The following LETM2 variants were observed in gnomAD, a reference collection of about 807,000 sequenced individuals.
LETM2 encodes leucine zipper and EF-hand containing transmembrane protein 2.
LETM2 carries 58 observed loss-of-function variants against 59.6 expected under a neutral mutation model. The observed-to-expected ratio is 0.97, with a 90% confidence interval of 0.79 to 1.21. LETM2 has a LOEUF of 1.21. LETM2 is among the 50% of genes most tolerant of loss of function. The pLI is 0.00. For missense variants in LETM2, 572 were observed against 575.7 expected (o/e 0.99, Z 0.07); for synonymous variants, 199 against 214.1 (o/e 0.93, Z 0.62).
chr8:38,382,713 T>A (rs1299713049), upstream of LETM2: 1 of 151,732 alleles, frequency 6.6e-6, no homozygotes, highest in Non-Finnish European at 1.5e-5. This position sits in a 1 kb window ranked among gnomAD's most constrained non-coding sequence, Gnocchi z 4.2. Flanking sequence ...CGGTCCCCGG[T>A]GGGTCACCGC....
intron 2 of LETM2, among the ~76,000 whole-genome samples, chr8:38,390,993 T>G (rs1366860173): frequency 6.6e-6 from 1 of 151,784 alleles, no homozygotes; most frequent in Non-Finnish European, 1.5e-5. Context: ...AAATTTTTTT[T>G]GCTTTTGTTT....
chr8:38,395,760 C>T lies in LETM2; in HGVS notation c.645+1519C>T, dbSNP rs137870629. Among the ~76,000 whole-genome samples the T allele has an allele frequency of 1.5e-3, 235 of 152,346 alleles. 1 individual carries two copies. The highest frequency in any genetic ancestry group is 5.0e-3 in the African/African-American group (209 of 41,580). On this transcript the variant is annotated intron_variant, in intron 4 of 10. Coordinates refer to ENST00000379957, the MANE Select transcript of LETM2 (RefSeq NM_001286819.2). ...CGATGTCCTGACCTCCGGTGATCCA[C>T]ACACCTCAGCCTCCCAAAGTGTTGG...
At chr8:38,394,552 T>C (rs11998709) in intron 4 of LETM2, 41,915 of 188,386 alleles carry the variant, frequency 0.22, 4,946 homozygotes, top group East Asian at 0.31. Context: ...CTCTAAAAAT[T>C]CCCTGTGGGC....
Position 38,392,853 on chromosome 8 carries a change from A to G in LETM2, c.359A>G (p.Gln120Arg). ...ETGMEIKEGK[Q>R]SYRQKIMDEL... ...GGCATGGAGATTAAAGAAGGCAAAC[A>G]ATCTTATAGACAAAAAATCATGGAT... is the stretch of plus-strand genomic sequence containing the variant. The change falls in exon 3 of 11, where the codon CAA (glutamine) becomes CGA (arginine). Residue 120 changes from glutamine to arginine, a missense_variant. By Grantham distance (43) the Gln-to-Arg change is conservative. Coordinates refer to ENST00000379957, the MANE Select transcript of LETM2 (RefSeq NM_001286819.2). 3 of 1,614,182 alleles carry G rather than the reference A, an allele frequency of 1.9e-6. No homozygotes were observed. Among genetic ancestry groups the G allele is most frequent in the Non-Finnish European group, 2.5e-6 (3 of 1,180,048 alleles).
intron 2 of LETM2, among the ~76,000 whole-genome samples, chr8:38,388,321 C>A (rs1278101421): frequency 6.6e-6 from 1 of 151,448 alleles, no homozygotes; most frequent in Non-Finnish European, 1.5e-5. Flanking sequence ...CTTAGGTGAT[C>A]CGCCTGCCTT....
chr8:38,391,848 C>A (rs1322382947), intron 2 of LETM2, among the ~76,000 whole-genome samples: 1 of 151,968 alleles, frequency 6.6e-6, no homozygotes, highest in Non-Finnish European at 1.5e-5. Context: ...CATGACACCA[C>A]ACCCGGCTAA....
upstream of LETM2, among the ~76,000 whole-genome samples, chr8:38,385,029 G>C (rs1811715920): frequency 1.3e-5 from 2 of 152,158 alleles, no homozygotes; most frequent in Admixed American, 1.3e-4. Context: ...TGACCACCAG[G>C]AATTTTCAGT....
intron 2 of LETM2, among the ~76,000 whole-genome samples, chr8:38,388,672 A>T (rs1811966919): frequency 6.8e-6 from 1 of 147,722 alleles, no homozygotes; most frequent in Admixed American, 6.7e-5. Flanking sequence ...GTGGGCCAAG[A>T]CTGGGCCACT....
At chr8:38,388,656 G>T (rs1215249530) in intron 2 of LETM2, among the ~76,000 whole-genome samples, 1 of 148,966 alleles carries the variant, frequency 6.7e-6, no homozygotes, top group African/African-American at 2.5e-5. Context: ...GGAGGCGGAG[G>T]TTGCAGTGGG....
intron 4 of LETM2, 135 bp from the exon 5 acceptor site, chr8:38,400,137 A>C: frequency 3.2e-6 from 2 of 622,944 alleles, no homozygotes; most frequent in Non-Finnish European, 5.2e-6. Flanking sequence ...AAACCCATTC[A>C]TCTATGCCTG....
rs1406933465 is a variant in LETM2 at position 38,400,879 on chromosome 8, A to G, written c.810A>G (p.Thr270=). The G allele has an allele frequency of 1.2e-6, 2 of 1,614,184 alleles. No individual in the cohort carries two copies. Among genetic ancestry groups the G allele is most frequent in the South Asian group, 2.2e-5 (2 of 91,084 alleles). ...KQVQTGHKPS[T]KEIVRFSKLF... is the part of the protein sequence containing the mutation. Reference sequence around the variant, plus strand: ...TCCAGACAGGCCACAAGCCCAGCACAAAGGAGATAGTTCGCTTCTCCAAAC... The same window carrying G: ...TCCAGACAGGCCACAAGCCCAGCACGAAGGAGATAGTTCGCTTCTCCAAAC... Residue 270 remains threonine, a synonymous_variant, in exon 6 of 11, where the codon ACA becomes ACG. Coordinates refer to ENST00000379957, the MANE Select transcript of LETM2 (RefSeq NM_001286819.2).
At chr8:38,388,918 G>A (rs370430294) in intron 2 of LETM2, among the ~76,000 whole-genome samples, 1 of 150,796 alleles carries the variant, frequency 6.6e-6, no homozygotes, top group African/African-American at 2.4e-5. Flanking sequence ...GGCATGCGCC[G>A]CCATGTCCCA....
chr8:38,384,181 T>A (rs1811685123), upstream of LETM2, among the ~76,000 whole-genome samples: 1 of 152,176 alleles, frequency 6.6e-6, no homozygotes, highest in Non-Finnish European at 1.5e-5. Context: ...CTTCCTCCTG[T>A]GTCTTCCTTG....
chr8:38,404,690 CAA>C, intron 8 of LETM2, 184 bp downstream of exon 8: 1 of 564,070 alleles, frequency 1.8e-6, no homozygotes, highest in South Asian at 2.0e-5. Flanking sequence ...ACAAACAAAA[CAA>C]AGGAAGGCCA....
intron 5 of LETM2, 99 bp from the exon 6 acceptor site, chr8:38,400,754 G>T: frequency 2.9e-6 from 3 of 1,038,524 alleles, no homozygotes; most frequent in Non-Finnish European, 4.3e-6. Flanking sequence ...GTCAGACAGA[G>T]TCCCATAAAT....
intron 5 of LETM2, 198 bp downstream of exon 5, chr8:38,400,607 C>T (rs769922452): frequency 4.4e-5 from 29 of 654,970 alleles, no homozygotes; most frequent in Admixed American, 6.8e-5. Flanking sequence ...AAGTAATCAA[C>T]GTTTTGAAGA....
chr8:38,389,991 T>G, intron 2 of LETM2, among the ~76,000 whole-genome samples: 1 of 104,622 alleles, frequency 9.6e-6, no homozygotes, highest in Admixed American at 1.3e-4. Context: ...AGAGTGAGAC[T>G]CCGTCTCAAA....
intron 2 of LETM2, among the ~76,000 whole-genome samples, chr8:38,389,938 G>T (rs1812081780): frequency 1.4e-5 from 2 of 147,214 alleles, no homozygotes; most frequent in South Asian, 2.1e-4. Context: ...GGTGGAGGTT[G>T]CAGTGAGCCG....
chr8:38,393,015 G>A lies in LETM2; in HGVS notation c.501+20G>A, dbSNP rs1435011687. 6.5e-7 allele frequency: 1 copy of A among 1,544,744 alleles called. No homozygotes were observed. The highest frequency in any genetic ancestry group is 8.7e-7 in the Non-Finnish European group (1 of 1,146,454). On this transcript the variant is annotated intron_variant, in intron 3 of 10. Transcript: ENST00000379957. ...CGAAGGGTAGGCAAGAATCATATTT[G>A]AGAAAGAAAATGTGAAATTAAAATG...
Sources: gnomAD v4.1 joint callset for allele counts (sites outside exome capture counted in the v4.1 genomes callset) on GRCh38, gnomAD v4.1.1 for gene constraint, Gnocchi (gnomAD v3.1) non-coding constraint, MANE v1.5 for transcripts, NCBI Gene and HGNC (gene_info 2026-07-23, HGNC 2026-07-21) for gene names.